Variants in OSBPL10 observed in about 807,000 individuals in gnomAD.
The protein encoded by OSBPL10 is oxysterol-binding protein-related protein 10.
Under a neutral mutation model 81.7 loss-of-function variants are expected in OSBPL10, and 49 were observed. The ratio of observed to expected loss-of-function variants is 0.60; its 90% CI spans 0.48 to 0.76. OSBPL10 has a LOEUF of 0.76. OSBPL10 is among the 30% of genes least tolerant of loss of function. The pLI is 0.00. For missense variants in OSBPL10, 923 were observed against 987.8 expected, an observed-to-expected ratio of 0.93 and a Z score of 0.88; for synonymous variants, 419 against 383.6, an observed-to-expected ratio of 1.09 and a Z score of -1.08.
Position 31,833,844 on chromosome 3 carries a change from T to C in OSBPL10, c.538-3613A>G, listed in dbSNP as rs181694225. Among the ~76,000 whole-genome samples, 176 of 152,274 alleles carry C rather than the reference T, an allele frequency of 1.2e-3. 1 individual carries two copies. Among genetic ancestry groups the C allele is most frequent in the Admixed American group, 2.2e-3 (34 of 15,294 alleles). On this transcript the variant is annotated intron_variant, in intron 3 of 11. Coordinates refer to ENST00000396556, the MANE Select transcript of OSBPL10 (RefSeq NM_017784.5). ...TTGCCTGTAGCAGTATCACCATGAA[T>C]GGCAATAAATCAGATTCACCCAAGA... is the stretch of plus-strand genomic sequence containing the variant.
chr3:31,912,749 G>C (rs1696621269), intron 1 of OSBPL10, among the ~76,000 whole-genome samples: 1 of 152,138 alleles, frequency 6.6e-6, no homozygotes, highest in South Asian at 2.1e-4. Flanking sequence ...AAGGGACCTT[G>C]GAAGATACAC....
intron 5 of OSBPL10, among the ~76,000 whole-genome samples, chr3:31,745,875 C>A (rs1697505254): frequency 6.6e-6 from 1 of 152,186 alleles, no homozygotes. Flanking sequence ...CCCTTTCATG[C>A]TTCAGTGAAA....
intron 4 of OSBPL10, among the ~76,000 whole-genome samples, chr3:31,828,724 A>G (rs2125525190): frequency 6.6e-6 from 1 of 152,122 alleles, no homozygotes; most frequent in East Asian, 1.9e-4. Flanking sequence ...GTAGAGATGG[A>G]GTTTCACCAT....
chr3:31,761,373 G>A (rs1012609054), intron 4 of OSBPL10, among the ~76,000 whole-genome samples: 4 of 151,528 alleles, frequency 2.6e-5, no homozygotes, highest in Non-Finnish European at 5.9e-5. Context: ...TTGGGAAGCT[G>A]AGGCAGGAGA....
chr3:32,009,240 G>A lies in OSBPL10; in HGVS notation n.298+37251C>T, dbSNP rs572650907. Among the ~76,000 whole-genome samples the A allele has an allele frequency of 2.1e-3, 318 of 152,318 alleles. 2 individuals carry two copies. The highest frequency in any genetic ancestry group is 7.2e-3 in the African/African-American group (300 of 41,566). ...CTTTTCCAAGGCCCTGTGAAGGTCT[G>A]TAGTTGTCCTCTTTCACCACCTGTT... On this transcript the variant is annotated intron_variant and non_coding_transcript_variant, in intron 2 of 3. Transcript: ENST00000479173.
Position 32,027,746 on chromosome 3 carries a change from A to C in OSBPL10, n.298+18745T>G, listed in dbSNP as rs1699430027. ...TGGGCTCAAGTGATTCCCTTGCCCAAGTCCCCAGAGTAACTGGGACTACAG... is the reference window on the plus strand; with the variant it reads ...TGGGCTCAAGTGATTCCCTTGCCCACGTCCCCAGAGTAACTGGGACTACAG... On this transcript the variant is annotated intron_variant and non_coding_transcript_variant, in intron 2 of 3. Transcript: ENST00000479173. 2.6e-5 allele frequency among the ~76,000 whole-genome samples: 4 copies of C among 152,224 alleles called. No homozygotes were observed. The South Asian group carries it at 8.3e-4, about 32-fold the overall frequency.
chr3:31,801,494 T>A (rs1039737851), intron 4 of OSBPL10, among the ~76,000 whole-genome samples: 2 of 152,182 alleles, frequency 1.3e-5, no homozygotes, highest in Non-Finnish European at 1.5e-5. Context: ...TTCTGAGCAT[T>A]TACTGTGAGT....
chr3:31,805,251 C>T (rs1699491952), intron 4 of OSBPL10, among the ~76,000 whole-genome samples: 1 of 152,116 alleles, frequency 6.6e-6, no homozygotes, highest in Non-Finnish European at 1.5e-5. Flanking sequence ...TATGTTAACC[C>T]TTTCTGAGAA....
At chr3:32,044,463 C>T (rs755799280) in intron 2 of OSBPL10, among the ~76,000 whole-genome samples, 1 of 150,390 alleles carries the variant, frequency 6.6e-6, no homozygotes, top group Non-Finnish European at 1.5e-5. Flanking sequence ...GAATCCTGGT[C>T]GGGTGCTGTG....
chr3:31,974,410 T>A (rs945184252), intron 1 of OSBPL10, among the ~76,000 whole-genome samples: 3 of 152,324 alleles, frequency 2.0e-5, no homozygotes, highest in Middle Eastern at 3.4e-3. Context: ...CAGAAATGCA[T>A]ACCTATGTTC....
intron 3 of OSBPL10, among the ~76,000 whole-genome samples, chr3:31,834,550 T>C (rs1437473018): frequency 6.6e-6 from 1 of 152,234 alleles, no homozygotes; most frequent in Admixed American, 6.5e-5. Context: ...TCTTGGTCTT[T>C]CCCTACATTC....
At chr3:31,718,191 G>C (rs971984732) in intron 6 of OSBPL10, 1 of 152,078 alleles carries the variant, frequency 6.6e-6, no homozygotes, top group Non-Finnish European at 1.5e-5. Context: ...GCAGTGGCGC[G>C]ATCTCGGCTC....
chr3:31,918,168 A>G (rs1363333048), intron 1 of OSBPL10, among the ~76,000 whole-genome samples: 1 of 152,206 alleles, frequency 6.6e-6, no homozygotes, highest in Non-Finnish European at 1.5e-5. Context: ...CAGTTATTAA[A>G]AACACAATGA....
chr3:31,934,478 G>A (rs1166093136), intron 1 of OSBPL10, among the ~76,000 whole-genome samples: 5 of 147,466 alleles, frequency 3.4e-5, no homozygotes, highest in African/African-American at 1.3e-4. Context: ...GCACAATCTC[G>A]GCTCACTGCA....
Position 31,819,855 on chromosome 3 carries a change from T to C in OSBPL10, c.729+10185A>G, listed in dbSNP as rs574821859. On this transcript the variant is annotated intron_variant, in intron 4 of 11. Transcript: ENST00000396556. ...AGTAAGAGAGATTACAGAGATCATCTGGATGGGATAGATTCAACAGAAAGG... is the reference window on the plus strand; with the variant it reads ...AGTAAGAGAGATTACAGAGATCATCCGGATGGGATAGATTCAACAGAAAGG... 1.3e-3 allele frequency among the ~76,000 whole-genome samples: 194 copies of C among 152,342 alleles called. 1 individual carries two copies. The highest frequency in any genetic ancestry group is 4.6e-3 in the African/African-American group (190 of 41,570).
In OSBPL10 at chr3:31,902,337, A is replaced by G. The variant is rs192805419; in HGVS notation, c.282-22507T>C. Among the ~76,000 whole-genome samples, 786 of 140,614 alleles carry G rather than the reference A, an allele frequency of 5.6e-3. 3 individuals are homozygous for G. The highest frequency in any genetic ancestry group is 8.8e-3 in the Non-Finnish European group (588 of 66,592). The allele number at this position is 140,614 out of a possible 152,430, so 92.2% of individuals were successfully genotyped here. On this transcript the variant is annotated intron_variant, in intron 1 of 11. Transcript: ENST00000396556. ...AAGCGCAGTGGCACCATCTCGGCTT[A>G]CTGCAACCTCTGCCTCCCTGGTTCA... is the stretch of plus-strand genomic sequence containing the variant.
intron 8 of OSBPL10, among the ~76,000 whole-genome samples, chr3:31,679,120 A>G (rs560535285): frequency 6.6e-6 from 1 of 152,130 alleles, no homozygotes; most frequent in South Asian, 2.1e-4. Context: ...AAAACACCCC[A>G]GCCACTAGCT....
chr3:31,855,717 C>G (rs1469718470), intron 3 of OSBPL10, among the ~76,000 whole-genome samples: 1 of 152,248 alleles, frequency 6.6e-6, no homozygotes, highest in South Asian at 2.1e-4. Flanking sequence ...TTCTTCTAAG[C>G]CTTTCCTCCA....
intron 1 of OSBPL10, among the ~76,000 whole-genome samples, chr3:31,895,760 G>GTA (rs1696035854): frequency 6.6e-6 from 1 of 152,172 alleles, no homozygotes; most frequent in African/African-American, 2.4e-5. Flanking sequence ...CAGTGTTCCT[G>GTA]CCTTCAAGAA....
Sources: allele counts gnomAD v4.1 joint callset (sites outside exome capture counted in the v4.1 genomes callset), GRCh38; gene constraint gnomAD v4.1.1; transcripts MANE v1.5; gene names NCBI Gene and HGNC (gene_info 2026-07-23, HGNC 2026-07-21).